ELAVL2: variants seen among roughly 807,000 people sequenced by gnomAD.
ELAVL2 encodes ELAV-like protein 2.
In ELAVL2, 4 loss-of-function variants were observed where a neutral mutation model predicts 34.6. The ratio of observed to expected loss-of-function variants is 0.12; its 90% confidence interval spans 0.06 to 0.26. The LOEUF is 0.26. Ranked by LOEUF, ELAVL2 falls within the 10% of genes least tolerant of loss-of-function variation. ELAVL2 has a pLI of 1.00. For synonymous variants in ELAVL2, 193 were observed against 154.8 expected, an observed-to-expected ratio of 1.25 and a Z score of -1.83; for missense variants, 432 against 442.8, an observed-to-expected ratio of 0.98 and a Z score of 0.22.
intron 5 of ELAVL2, among the ~76,000 whole-genome samples, chr9:23,698,731 T>C (rs1035138748): frequency 4.6e-5 from 7 of 152,158 alleles, no homozygotes; most frequent in Admixed American, 2.6e-4. Flanking sequence ...TTCAAGTTTC[T>C]TTATCAGGTG....
intron 3 of ELAVL2, among the ~76,000 whole-genome samples, chr9:23,729,813 C>G (rs1173896825): frequency 6.6e-6 from 1 of 151,872 alleles, no homozygotes; most frequent in African/African-American, 2.4e-5. Flanking sequence ...TAATAAATTA[C>G]CTTAACTGGT....
chr9:23,696,222 C>T (rs755995786), intron 5 of ELAVL2, among the ~76,000 whole-genome samples: 4 of 152,086 alleles, frequency 2.6e-5, no homozygotes, highest in Non-Finnish European at 1.5e-5. Context: ...TGACTGTATG[C>T]ATCTGAGCCC....
chr9:23,728,168 C>G (rs77321586), intron 3 of ELAVL2, among the ~76,000 whole-genome samples: 4,433 of 151,942 alleles, frequency 0.029, 132 homozygotes, highest in East Asian at 0.12. Flanking sequence ...GTGCTTAAGC[C>G]TAAATTACAT....
intron 3 of ELAVL2, among the ~76,000 whole-genome samples, chr9:23,727,504 A>G (rs928625419): frequency 5.9e-5 from 9 of 152,138 alleles, no homozygotes; most frequent in Non-Finnish European, 2.9e-5. Context: ...TGAACTTTGC[A>G]CACACAAATA....
At chr9:23,698,245 C>T (rs1397011642) in intron 5 of ELAVL2, among the ~76,000 whole-genome samples, 3 of 152,094 alleles carry the variant, frequency 2.0e-5, no homozygotes, top group African/African-American at 7.2e-5. Context: ...CAAGAATATA[C>T]TTAAGGGGCT....
intron 3 of ELAVL2, among the ~76,000 whole-genome samples, chr9:23,713,521 G>T (rs2041551072): frequency 6.6e-6 from 1 of 152,138 alleles, no homozygotes; most frequent in Admixed American, 6.6e-5. Context: ...ATAAAAAATA[G>T]ATGGGAGTTT....
At chr9:23,747,087 T>C (rs778471536) in intron 2 of ELAVL2, among the ~76,000 whole-genome samples, 3 of 151,986 alleles carry the variant, frequency 2.0e-5, no homozygotes, top group Non-Finnish European at 4.4e-5. Context: ...CCCTACCTTA[T>C]CCTTGGGGGT....
At chr9:23,746,760 A>G (rs567183019) in intron 2 of ELAVL2, among the ~76,000 whole-genome samples, 1 of 151,576 alleles carries the variant, frequency 6.6e-6, no homozygotes, top group Middle Eastern at 3.4e-3. Flanking sequence ...TGTAAGACTG[A>G]GACAAGTTTG....
At chr9:23,745,096 C>T (rs1588018888) in intron 2 of ELAVL2, among the ~76,000 whole-genome samples, 1 of 151,988 alleles carries the variant, frequency 6.6e-6, no homozygotes, top group African/African-American at 2.4e-5. Context: ...CCCAGCTACT[C>T]GGGAGGCCAA....
At chr9:23,729,460 A>G (rs1435441372) in intron 3 of ELAVL2, among the ~76,000 whole-genome samples, 1 of 152,190 alleles carries the variant, frequency 6.6e-6, no homozygotes, top group Non-Finnish European at 1.5e-5. Context: ...TAATAGTACT[A>G]GTAAAAGATC....
chr9:23,710,865 C>G (rs1329710999), intron 3 of ELAVL2, among the ~76,000 whole-genome samples: 1 of 152,120 alleles, frequency 6.6e-6, no homozygotes, highest in Non-Finnish European at 1.5e-5. Flanking sequence ...CAGGTGGCTA[C>G]ATCGGACCTT....
intron 5 of ELAVL2, among the ~76,000 whole-genome samples, chr9:23,698,392 C>T (rs904551817): frequency 6.6e-6 from 1 of 152,182 alleles, no homozygotes; most frequent in African/African-American, 2.4e-5. Context: ...AAGCCATAAA[C>T]CTCACAAACC....
At chr9:23,754,445 G>T (rs2053011459) in intron 2 of ELAVL2, among the ~76,000 whole-genome samples, 1 of 146,632 alleles carries the variant, frequency 6.8e-6, no homozygotes, top group South Asian at 2.2e-4. Flanking sequence ...TTGGCATTAA[G>T]TTTTTTTTTT....
intron 2 of ELAVL2, among the ~76,000 whole-genome samples, chr9:23,746,714 A>C (rs2050579258): frequency 1.3e-5 from 2 of 152,008 alleles, no homozygotes; most frequent in East Asian, 3.9e-4. Flanking sequence ...TATACTAAGA[A>C]AGAGAATTCC....
At chr9:23,745,891 C>T (rs2050364070) in intron 2 of ELAVL2, among the ~76,000 whole-genome samples, 1 of 152,122 alleles carries the variant, frequency 6.6e-6, no homozygotes, top group Non-Finnish European at 1.5e-5. Context: ...ATGAAACATT[C>T]AAAAAGACCT....
intron 5 of ELAVL2, among the ~76,000 whole-genome samples, chr9:23,696,031 A>G (rs1397110297): frequency 1.3e-5 from 2 of 152,214 alleles, no homozygotes; most frequent in Middle Eastern, 3.4e-3. Context: ...CTATCTGTGA[A>G]GTTTTACATG....
intron 3 of ELAVL2, 96 bp downstream of exon 3, chr9:23,730,926 A>G (rs2046369088): frequency 9.2e-7 from 1 of 1,092,128 alleles, no homozygotes; most frequent in Admixed American, 2.5e-5. Context: ...AACTGTTTAT[A>G]TGGGCCCAAA....
chr9:23,806,294 T>C (rs533159169), intron 1 of ELAVL2, among the ~76,000 whole-genome samples: 3 of 152,160 alleles, frequency 2.0e-5, no homozygotes, highest in Non-Finnish European at 4.4e-5. Flanking sequence ...ACCTTCAGCA[T>C]ATATAATTTT....
chr9:23,826,667 T>C (rs2065317664), upstream of ELAVL2, among the ~76,000 whole-genome samples: 1 of 152,206 alleles, frequency 6.6e-6, no homozygotes, highest in Admixed American at 6.5e-5. Flanking sequence ...CTTAAATCTT[T>C]CTGCTTCAGA....
Sources: gnomAD v4.1 joint callset for allele counts (sites outside exome capture counted in the v4.1 genomes callset) on GRCh38, gnomAD v4.1.1 for gene constraint, MANE v1.5 for transcripts, NCBI Gene and HGNC (gene_info 2026-07-23, HGNC 2026-07-21) for gene names.